SEMA6D: variants seen among roughly 807,000 people sequenced by gnomAD.
The protein encoded by SEMA6D is semaphorin-6D.
In SEMA6D, 35 loss-of-function variants were observed where a neutral mutation model predicts 106.6. The observed-to-expected ratio is 0.33, with a 90% CI of 0.25 to 0.44. The LOEUF is 0.44. Ranked by LOEUF, SEMA6D falls within the 20% of genes least tolerant of loss-of-function variation. SEMA6D has a pLI of 1.00. For synonymous variants in SEMA6D, 499 were observed against 487.7 expected, an observed-to-expected ratio of 1.02 and a Z score of -0.31; for missense variants, 1,185 against 1,345.9, an observed-to-expected ratio of 0.88 and a Z score of 1.87.
intron 4 of SEMA6D, among the ~76,000 whole-genome samples, chr15:47,683,463 A>G (rs1273313317): frequency 6.6e-6 from 1 of 152,176 alleles, no homozygotes; most frequent in Non-Finnish European, 1.5e-5. Context: ...CAAGTTCTGG[A>G]GATAGAAAAG....
intron 3 of SEMA6D, among the ~76,000 whole-genome samples, chr15:47,502,056 G>C (rs1017144134): frequency 7.9e-5 from 12 of 152,000 alleles, no homozygotes; most frequent in African/African-American, 2.9e-4. Context: ...AATATCTCCT[G>C]ATGTTTCCTC....
intron 1 of SEMA6D, among the ~76,000 whole-genome samples, chr15:47,401,015 C>A (rs899774509): frequency 6.6e-6 from 1 of 152,170 alleles, no homozygotes; most frequent in East Asian, 1.9e-4. Context: ...TATTTAATTT[C>A]TTTATACCTT....
intron 4 of SEMA6D, among the ~76,000 whole-genome samples, chr15:47,651,493 C>T (rs182490337): frequency 1.3e-5 from 2 of 152,276 alleles, no homozygotes; most frequent in Admixed American, 1.3e-4. Flanking sequence ...AGCCTGATTC[C>T]TAATCCATTC....
intron 1 of SEMA6D, among the ~76,000 whole-genome samples, chr15:47,354,189 CTCTCTCTCTCTATATATATA>C (rs753730706): frequency 0.068 from 2,051 of 30,384 alleles, 16 homozygotes; most frequent in South Asian, 0.15. Flanking sequence ...CTCTCTCTCT[CTCTCTCTCTCTATATATATA>C]TATATATATA....
intron 1 of SEMA6D, among the ~76,000 whole-genome samples, chr15:47,721,995 C>A (rs1167716606): frequency 1.3e-5 from 2 of 152,172 alleles, no homozygotes; most frequent in East Asian, 3.9e-4. Context: ...TTCTATACCA[C>A]TGGCAGTATT....
chr15:47,209,706 T>C (rs775135525), intron 1 of SEMA6D, among the ~76,000 whole-genome samples: 31 of 152,206 alleles, frequency 2.0e-4, no homozygotes, highest in Non-Finnish European at 4.0e-4. Flanking sequence ...CCCCGTCGCC[T>C]CTCCAGGTCT....
chr15:47,650,261 C>T (rs1388717459), intron 4 of SEMA6D, among the ~76,000 whole-genome samples: 1 of 152,190 alleles, frequency 6.6e-6, no homozygotes, highest in Non-Finnish European at 1.5e-5. Flanking sequence ...TGGACACTAT[C>T]TCATCTAACA....
chr15:47,468,614 C>T (rs746940360), intron 2 of SEMA6D, among the ~76,000 whole-genome samples: 2 of 152,182 alleles, frequency 1.3e-5, no homozygotes, highest in East Asian at 1.9e-4. Flanking sequence ...CAATACCTTC[C>T]GAAAGATCAC....
At chr15:47,727,875 G>A (rs1231806155) in intron 1 of SEMA6D, among the ~76,000 whole-genome samples, 1 of 152,214 alleles carries the variant, frequency 6.6e-6, no homozygotes, top group Non-Finnish European at 1.5e-5. Flanking sequence ...CTGCGGTCAG[G>A]ATGGAATTTT....
At chr15:47,432,583 A>ACCTATAC (rs748256011) in intron 2 of SEMA6D, among the ~76,000 whole-genome samples, 16 of 150,732 alleles carry the variant, frequency 1.1e-4, no homozygotes, top group African/African-American at 3.4e-4. Flanking sequence ...ATACATATAC[A>ACCTATAC]GCTATATGCA....
rs1380119273 is a variant in SEMA6D at position 47,764,211 on chromosome 15, G to A, written c.1003G>A (p.Asp335Asn). The A allele has an allele frequency of 3.7e-6, 6 of 1,613,690 alleles. No homozygotes were observed. The highest frequency in any genetic ancestry group is 2.2e-5 in the South Asian group (2 of 91,020). ...GSAVCAFSMDDIEKVFKGRFK... is the reference protein window; with the variant it reads ...GSAVCAFSMDNIEKVFKGRFK... Reference sequence around the variant, plus strand: ...TGCTGTCTGTGCATTTAGCATGGATGACATTGAAAAAGTATTCAAAGGACG... The same window carrying A: ...TGCTGTCTGTGCATTTAGCATGGATAACATTGAAAAAGTATTCAAAGGACG... The change falls in exon 11 of 19, where the codon GAC becomes AAC. Residue 335 changes from aspartate to asparagine, a missense_variant. Transcript: ENST00000536845.
intron 3 of SEMA6D, among the ~76,000 whole-genome samples, chr15:47,507,531 C>T (rs973020028): frequency 1.3e-5 from 2 of 152,142 alleles, no homozygotes; most frequent in African/African-American, 4.8e-5. Flanking sequence ...GGCATGCCTA[C>T]GGAGGAGTAT....
intron 2 of SEMA6D, among the ~76,000 whole-genome samples, chr15:47,417,411 A>ATGTG (rs748058350): frequency 8.9e-6 from 1 of 112,292 alleles, no homozygotes; most frequent in East Asian, 3.0e-4. Context: ...GTGTGTGTGT[A>ATGTG]TATGTGTGTG....
chr15:47,358,359 C>T (rs2038673518), intron 1 of SEMA6D, among the ~76,000 whole-genome samples: 1 of 152,194 alleles, frequency 6.6e-6, no homozygotes, highest in Admixed American at 6.5e-5. Context: ...CTTCTTTTCA[C>T]AGCAACTTTG....
intron 3 of SEMA6D, among the ~76,000 whole-genome samples, chr15:47,502,172 A>T (rs2043870540): frequency 6.6e-6 from 1 of 151,976 alleles, no homozygotes; most frequent in Non-Finnish European, 1.5e-5. Context: ...CAGTGACCAT[A>T]AAAAAAATCA....
At chr15:47,250,681 C>T (rs1175651590) in intron 1 of SEMA6D, among the ~76,000 whole-genome samples, 3 of 152,152 alleles carry the variant, frequency 2.0e-5, no homozygotes, top group Non-Finnish European at 4.4e-5. Context: ...AAGGAGTAAA[C>T]AGTTTCTGCT....
intron 1 of SEMA6D, among the ~76,000 whole-genome samples, chr15:47,404,990 G>T (rs557626552): frequency 1.3e-5 from 2 of 152,070 alleles, no homozygotes; most frequent in Non-Finnish European, 2.9e-5. Context: ...CCTCACCGCC[G>T]GTCAAGTGGC....
At chr15:47,194,969 A>G (rs2140995381) in intron 1 of SEMA6D, among the ~76,000 whole-genome samples, 1 of 152,344 alleles carries the variant, frequency 6.6e-6, no homozygotes. Context: ...AACCGGTGTC[A>G]GCACTTACCA....
At chr15:47,671,198 G>A (rs2145395033) in intron 4 of SEMA6D, among the ~76,000 whole-genome samples, 1 of 152,282 alleles carries the variant, frequency 6.6e-6, no homozygotes, top group East Asian at 1.9e-4. Flanking sequence ...TATGATAGTT[G>A]TTCTAAGATT....
Sources: gnomAD v4.1 joint callset for allele counts (sites outside exome capture counted in the v4.1 genomes callset) on GRCh38, gnomAD v4.1.1 for gene constraint, MANE v1.5 for transcripts, NCBI Gene and HGNC (gene_info 2026-07-23, HGNC 2026-07-21) for gene names.